The following SPATA17 variants were observed in gnomAD, a reference collection of about 807,000 sequenced individuals.
SPATA17 encodes the protein spermatogenesis associated 17.
In SPATA17, 53 loss-of-function variants were observed where a neutral mutation model predicts 62.2. That is an observed-to-expected ratio of 0.85 (90% CI 0.68 to 1.07). The LOEUF is 1.07. Among genes scored for constraint, SPATA17 ranks in the 50% least tolerant of loss-of-function variants. SPATA17 has a pLI of 0.00. For synonymous variants in SPATA17, 146 were observed against 146.8 expected (o/e 0.99, Z 0.04); for missense variants, 466 against 425.5 (o/e 1.10, Z -0.84).
chr1:217,755,602 C>T (rs1354133736), intron 6 of SPATA17, among the ~76,000 whole-genome samples: 1 of 151,872 alleles, frequency 6.6e-6, no homozygotes, highest in East Asian at 1.9e-4. Context: ...AGTTTTTTCT[C>T]AAGTTTATTC....
chr1:217,707,610 T>G (rs1169650862), intron 5 of SPATA17, among the ~76,000 whole-genome samples: 1 of 152,158 alleles, frequency 6.6e-6, no homozygotes, highest in Non-Finnish European at 1.5e-5. Flanking sequence ...CTGGGAGACA[T>G]CAACATCCCA....
rs996620777 is a variant in SPATA17 at position 217,690,252 on chromosome 1, A to G, written c.395+6891A>G. Among the ~76,000 whole-genome samples, 4 of 151,976 alleles carry G rather than the reference A, an allele frequency of 2.6e-5. 1 individual carries two copies. Among genetic ancestry groups the G allele is most frequent in the Non-Finnish European group, 5.9e-5 (4 of 67,982 alleles). Reference sequence around the variant, plus strand: ...GACTTTGCATATATTAAGCACTCTCATTCTATCCTCCAATATCTACCTTAC... The same window carrying G: ...GACTTTGCATATATTAAGCACTCTCGTTCTATCCTCCAATATCTACCTTAC... On this transcript the variant is annotated intron_variant, in intron 5 of 10. Transcript: ENST00000366933.
intron 9 of SPATA17, among the ~76,000 whole-genome samples, chr1:217,814,666 A>G (rs1674670589): frequency 6.6e-6 from 1 of 151,974 alleles, no homozygotes; most frequent in Non-Finnish European, 1.5e-5. Context: ...TGGGCAACAT[A>G]GAGAGACCCT....
At position 217,814,955 on chromosome 1, in the gene SPATA17, A is replaced by G. The variant is rs561355476; in HGVS notation, c.1005+13105A>G. Among the ~76,000 whole-genome samples, 4 of 152,252 alleles carry G rather than the reference A, an allele frequency of 2.6e-5. No individual in the cohort carries two copies. The South Asian group carries it at 6.2e-4, about 24-fold the overall frequency. On this transcript the variant is annotated intron_variant, in intron 9 of 10. Coordinates refer to ENST00000366933, the MANE Select transcript of SPATA17 (RefSeq NM_138796.4). ...TGAGAGTTAAATTCTTCATCTGACA[A>G]AGATCATGGAATATGTTATCTCTGC... is the stretch of plus-strand genomic sequence containing the variant.
chr1:217,749,981 C>CTATA (rs1248987599), intron 6 of SPATA17, among the ~76,000 whole-genome samples: 169 of 26,950 alleles, frequency 6.3e-3, no homozygotes, highest in Non-Finnish European at 6.2e-3. Context: ...CTCTCTCTCT[C>CTATA]TCTCTATATA....
At chr1:217,742,212 C>A in intron 6 of SPATA17, 114 bp downstream of exon 6, 1 of 1,343,244 alleles carries the variant, frequency 7.4e-7, no homozygotes, top group Non-Finnish European at 1.0e-6. Context: ...CACAAAGACA[C>A]TACTTCGAGT....
chr1:217,637,608 A>G (rs1266796956), intron 1 of SPATA17, among the ~76,000 whole-genome samples: 1 of 152,162 alleles, frequency 6.6e-6, no homozygotes, highest in Non-Finnish European at 1.5e-5. Flanking sequence ...GACATAGTAA[A>G]TTGACTGTAG....
At chr1:217,670,295 T>C (rs775858178) in intron 4 of SPATA17, among the ~76,000 whole-genome samples, 2 of 152,152 alleles carry the variant, frequency 1.3e-5, no homozygotes, top group African/African-American at 4.8e-5. Context: ...CATTTAGCTA[T>C]TTCCACTGAT....
chr1:217,722,994 A>G (rs1672175175), intron 5 of SPATA17, among the ~76,000 whole-genome samples: 1 of 152,158 alleles, frequency 6.6e-6, no homozygotes, highest in Non-Finnish European at 1.5e-5. Context: ...GGCTGGGTCC[A>G]TGGGGTCAAG....
intron 5 of SPATA17, among the ~76,000 whole-genome samples, chr1:217,688,913 T>C (rs2102910351): frequency 6.6e-6 from 1 of 152,272 alleles, no homozygotes; most frequent in Middle Eastern, 3.4e-3. Flanking sequence ...TACTGATATA[T>C]AGTAAGTCCA....
At chr1:217,821,258 G>A (rs774999744) in intron 9 of SPATA17, among the ~76,000 whole-genome samples, 2 of 151,960 alleles carry the variant, frequency 1.3e-5, no homozygotes, top group East Asian at 3.9e-4. Flanking sequence ...TCCTAGAGTG[G>A]GAACACAGAA....
intron 5 of SPATA17, among the ~76,000 whole-genome samples, chr1:217,733,613 T>C (rs1672446211): frequency 1.3e-5 from 2 of 152,340 alleles, no homozygotes; most frequent in South Asian, 2.1e-4. Context: ...AACGTCTTTA[T>C]TTCTCTAAAT....
At chr1:217,820,705 T>C (rs1181975411) in intron 9 of SPATA17, among the ~76,000 whole-genome samples, 1 of 151,996 alleles carries the variant, frequency 6.6e-6, no homozygotes, top group Non-Finnish European at 1.5e-5. Flanking sequence ...TATAACTGAA[T>C]ATAGAGGTGC....
rs111997309 is a variant in SPATA17, at chr1:217,833,332, G to T, written c.1006-29442G>T. On this transcript the variant is annotated intron_variant, in intron 9 of 10. Transcript: ENST00000366933. ...ATCAACTGGAGAAGAAGTAACCAAA[G>T]AACCATCTCTCTCATATTGAAACTT... 6.2e-3 allele frequency among the ~76,000 whole-genome samples: 951 copies of T among 152,208 alleles called. 4 individuals carry two copies. Among genetic ancestry groups the T allele is most frequent in the African/African-American group, 0.021 (884 of 41,548 alleles).
At position 217,803,824 on chromosome 1, in the gene SPATA17, C is replaced by A. The variant is rs966741825; in HGVS notation, c.1005+1974C>A. Among the ~76,000 whole-genome samples the A allele has an allele frequency of 3.9e-5, 6 of 152,120 alleles. No individual in the cohort carries two copies. The East Asian group carries it at 7.7e-4, about 20-fold the overall frequency. Reference sequence around the variant, plus strand: ...CTTGAGATCAGGAGTTCGAGACCAGCATGGCCAACTTGGTGAAACCCTGCC... The same window carrying A: ...CTTGAGATCAGGAGTTCGAGACCAGAATGGCCAACTTGGTGAAACCCTGCC... On this transcript the variant is annotated intron_variant, in intron 9 of 10. Transcript: ENST00000366933.
intron 3 of SPATA17, among the ~76,000 whole-genome samples, chr1:217,656,198 A>G (rs1670438273): frequency 6.6e-6 from 1 of 152,122 alleles, no homozygotes; most frequent in Non-Finnish European, 1.5e-5. Context: ...CGTCTTTTTA[A>G]TCAAGCATAT....
chr1:217,848,367 GCT>G (rs1675573905), intron 9 of SPATA17, among the ~76,000 whole-genome samples: 2 of 152,036 alleles, frequency 1.3e-5, no homozygotes, highest in Admixed American at 1.3e-4. Context: ...TGAGTATTTA[GCT>G]CTCTTATACT....
intron 6 of SPATA17, among the ~76,000 whole-genome samples, chr1:217,766,698 A>AT (rs1364704524): frequency 7.0e-6 from 1 of 142,860 alleles, no homozygotes; most frequent in African/African-American, 2.6e-5. Context: ...TGTAGATCTG[A>AT]TTTTTTGGCC....
At chr1:217,683,173 C>A in intron 4 of SPATA17, 85 bp from the exon 5 acceptor site, 1 of 872,218 alleles carries the variant, frequency 1.1e-6, no homozygotes, top group Non-Finnish European at 1.8e-6. Flanking sequence ...AGTTATCAGC[C>A]ATAATTACCT....
Sources: gnomAD v4.1 joint callset for allele counts (sites outside exome capture counted in the v4.1 genomes callset) on GRCh38, gnomAD v4.1.1 for gene constraint, MANE v1.5 for transcripts, NCBI Gene and HGNC (gene_info 2026-07-23, HGNC 2026-07-21) for gene names.